The following STK31 variants were observed in gnomAD, a reference collection of about 807,000 sequenced individuals.
STK31 encodes serine/threonine kinase 31, also known as serine/threonine-protein kinase 31.
Under a neutral mutation model 129.7 loss-of-function variants are expected in STK31, and 89 were observed. The observed-to-expected ratio is 0.69, with a 90% CI of 0.58 to 0.82. The LOEUF (loss-of-function observed/expected upper bound fraction) is 0.82. Ranked by LOEUF, STK31 falls within the 40% of genes least tolerant of loss-of-function variation. The pLI is 0.00. For missense variants in STK31, 1,187 were observed against 1,176.4 expected (o/e 1.01, Z -0.13); for synonymous variants, 448 against 395.3 (o/e 1.13, Z -1.58).
At chr7:23,741,645 T>C (rs1372999187) in intron 8 of STK31, among the ~76,000 whole-genome samples, 1 of 152,206 alleles carries the variant, frequency 6.6e-6, no homozygotes. Flanking sequence ...ATGTCTGCTG[T>C]GGCTACTGCT....
In STK31 at chr7:23,800,727, T is replaced by G. The variant is rs1048487986; in HGVS notation, c.2760+9781T>G. 2.0e-5 allele frequency among the ~76,000 whole-genome samples: 3 copies of G among 151,794 alleles called. No homozygotes were observed. The East Asian group carries it at 5.8e-4, about 29-fold the overall frequency. Reference sequence around the variant, plus strand: ...CAAGCCTGCACGTTCTTCACGTGTATCCCAGAACTTAAAGTATATAAAAAA... The same window carrying G: ...CAAGCCTGCACGTTCTTCACGTGTAGCCCAGAACTTAAAGTATATAAAAAA... On this transcript the variant is annotated intron_variant, in intron 22 of 23. Transcript: ENST00000355870.
At chr7:23,778,243 A>G (rs140337937) in intron 15 of STK31, among the ~76,000 whole-genome samples, 22 of 152,092 alleles carry the variant, frequency 1.4e-4, no homozygotes, top group Admixed American at 1.4e-3. Context: ...GAGTAACCCA[A>G]CCTTTCTCTC....
At chr7:23,716,542 C>T (rs946792679) in intron 3 of STK31, among the ~76,000 whole-genome samples, 1 of 152,118 alleles carries the variant, frequency 6.6e-6, no homozygotes, top group Non-Finnish European at 1.5e-5. Context: ...TGATGATTTT[C>T]TATTCCCCTC....
chr7:23,815,279 T>C, intron 23 of STK31, 67 bp downstream of exon 23: 1 of 1,139,154 alleles, frequency 8.8e-7, no homozygotes, highest in Admixed American at 2.8e-5. Flanking sequence ...GATATCTGAC[T>C]GAAAGTTGTC....
intron 1 of STK31, among the ~76,000 whole-genome samples, chr7:23,711,016 T>A (rs948513217): frequency 4.6e-5 from 7 of 152,324 alleles, no homozygotes; most frequent in Admixed American, 1.3e-4. Flanking sequence ...AAAATTTTTT[T>A]AAAAAATTAA....
Position 23,781,440 on chromosome 7 carries a change from C to A in STK31, c.1987C>A (p.Gln663Lys). Residue 663 changes from glutamine to lysine, a missense_variant, in exon 16 of 24, where the codon CAA becomes AAA. By Grantham distance (53) the Gln-to-Lys change is moderately conservative. This residue lies in a region of STK31 where 975 missense variants were observed against 934.9 expected (regional missense o/e 1.04). Transcript: ENST00000355870. Reference sequence around the variant, plus strand: ...CAAGTCAGATGATCCTGATGGCTCTCAAATTGAGAAAATAAAAGAAGAAAT... The same window carrying A: ...CAAGTCAGATGATCCTGATGGCTCTAAAATTGAGAAAATAAAAGAAGAAAT... ...LEESDDPDGS[Q>K]IEKIKEEITQ... is the part of the protein sequence containing the mutation. 1 of 1,610,896 alleles carries A rather than the reference C, an allele frequency of 6.2e-7. No homozygotes were observed. The highest frequency in any genetic ancestry group is 1.1e-5 in the South Asian group (1 of 90,414).
chr7:23,769,648 C>T lies in STK31; in HGVS notation c.1605C>T (p.Asp535=), dbSNP rs1467664496. Reference sequence around the variant, plus strand: ...TTATTTTTGCAAATGAGGTTTTTGACCTATCTGTGGAAGGATCACTGATTT... The same window carrying T: ...TTATTTTTGCAAATGAGGTTTTTGATCTATCTGTGGAAGGATCACTGATTT... ...AWFQRTLKVF[D]LSVEGSLISE... The change falls in exon 13 of 24, where the codon GAC becomes GAT. Residue 535 remains aspartate, a synonymous_variant. Coordinates refer to ENST00000355870, the MANE Select transcript of STK31 (RefSeq NM_031414.5). The T allele has an allele frequency of 1.9e-6, 3 of 1,603,586 alleles. No individual in the cohort carries two copies. The highest frequency in any genetic ancestry group is 3.4e-5 in the Admixed American group (2 of 58,848).
At chr7:23,725,108 A>G (rs1037565088) in intron 4 of STK31, among the ~76,000 whole-genome samples, 8 of 152,200 alleles carry the variant, frequency 5.3e-5, no homozygotes, top group African/African-American at 1.9e-4. Context: ...TATACAGTAT[A>G]TAATAACTAT....
intron 8 of STK31, among the ~76,000 whole-genome samples, chr7:23,747,824 C>G (rs1788452797): frequency 6.6e-6 from 1 of 152,074 alleles, no homozygotes; most frequent in South Asian, 2.1e-4. Flanking sequence ...TCTTTCATTT[C>G]TGATACTGGC....
chr7:23,769,815 GT>G, intron 13 of STK31, 59 bp downstream of exon 13: 1 of 1,134,848 alleles, frequency 8.8e-7, no homozygotes, highest in Non-Finnish European at 1.3e-6. Flanking sequence ...TCCTTTCATG[GT>G]TAGAAAGTAT....
intron 8 of STK31, among the ~76,000 whole-genome samples, chr7:23,741,868 T>C (rs1788074209): frequency 6.6e-6 from 1 of 152,208 alleles, no homozygotes; most frequent in African/African-American, 2.4e-5. Context: ...TGCCCCTTCT[T>C]GGCTGGGCAG....
At chr7:23,779,796 G>A (rs1482099443) in intron 15 of STK31, among the ~76,000 whole-genome samples, 4 of 152,242 alleles carry the variant, frequency 2.6e-5, no homozygotes, top group Non-Finnish European at 5.9e-5. Context: ...GATCTGCTGA[G>A]CAGGACCACT....
At chr7:23,742,344 G>A (rs1422259925) in intron 8 of STK31, among the ~76,000 whole-genome samples, 1 of 152,220 alleles carries the variant, frequency 6.6e-6, no homozygotes, top group African/African-American at 2.4e-5. Flanking sequence ...GGGGGTGCAT[G>A]GGCATGCTTG....
chr7:23,825,442 A>C (rs933691904), intron 23 of STK31, among the ~76,000 whole-genome samples: 7 of 152,068 alleles, frequency 4.6e-5, no homozygotes, highest in African/African-American at 1.7e-4. Context: ...ATCACTGGTG[A>C]TATCCCCTTT....
At position 23,754,413 on chromosome 7, in the gene STK31, T is replaced by C. The variant is rs2128094119; in HGVS notation, c.1232T>C (p.Leu411Ser). The C allele has an allele frequency of 1.9e-6, 3 of 1,613,994 alleles. No homozygotes were observed. In the East Asian group the frequency reaches 6.7e-5, roughly 36 times the overall value. Residue 411 changes from leucine to serine, a missense_variant, in exon 10 of 24, where the codon TTA becomes TCA. Around this residue, in one of 5 missense-constraint regions of STK31, gnomAD observed 975 missense variants for 934.9 expected, o/e 1.04. Coordinates refer to ENST00000355870, the MANE Select transcript of STK31 (RefSeq NM_031414.5). ...ACTACTCCAGCTTCTTTGAATGGAT[T>C]AGAGATAATATGGGCAGAATACAGT... ...CFTTPASLNG[L>S]EIIWAEYSLA...
At chr7:23,828,102 C>G (rs1401263567) in intron 23 of STK31, among the ~76,000 whole-genome samples, 1 of 152,178 alleles carries the variant, frequency 6.6e-6, no homozygotes, top group African/African-American at 2.4e-5. Context: ...GCTGGGAGAA[C>G]CACTACTCTC....
Position 23,770,990 on chromosome 7 carries a change from T to A in STK31, c.1714-15T>A. 6.2e-7 allele frequency: 1 copy of A among 1,604,746 alleles called. No homozygotes were observed. The highest frequency in any genetic ancestry group is 8.5e-7 in the Non-Finnish European group (1 of 1,176,306). ...ATTCCTTTGTGTATAATTCTATGTG[T>A]GTGATTTCATTTAGGATCAAGGTGA... On this transcript the variant is annotated splice_polypyrimidine_tract_variant and intron_variant, in intron 13 of 23. Transcript: ENST00000355870.
chr7:23,761,476 A>G (rs994519060), intron 10 of STK31, among the ~76,000 whole-genome samples: 4 of 148,268 alleles, frequency 2.7e-5, no homozygotes, highest in African/African-American at 1.0e-4. Flanking sequence ...GCCGGAGTGC[A>G]GTGGTGTGAT....
intron 23 of STK31, among the ~76,000 whole-genome samples, chr7:23,824,490 G>T (rs1365325630): frequency 6.6e-6 from 1 of 152,186 alleles, no homozygotes; most frequent in African/African-American, 2.4e-5. Context: ...AGCTTAAGGA[G>T]ATTTTGGGCT....
Sources: allele counts gnomAD v4.1 joint callset (sites outside exome capture counted in the v4.1 genomes callset), GRCh38; gene constraint gnomAD v4.1.1; regional missense constraint gnomAD v4.1.1; transcripts MANE v1.5; gene names NCBI Gene and HGNC (gene_info 2026-07-23, HGNC 2026-07-21).